The following INPP5D variants were observed in gnomAD, a reference collection of about 807,000 sequenced individuals.
INPP5D encodes the protein phosphatidylinositol 3,4,5-trisphosphate 5-phosphatase 1.
In INPP5D, 33 loss-of-function variants were observed where a neutral mutation model predicts 122.9. The observed-to-expected ratio is 0.27, with a 90% CI of 0.20 to 0.36. The LOEUF (loss-of-function observed/expected upper bound fraction) is 0.36. Ranked by LOEUF, INPP5D falls within the 10% of genes least tolerant of loss-of-function variation. The pLI is 1.00. For synonymous variants in INPP5D, 584 were observed against 576.2 expected (o/e 1.01, Z -0.19); for missense variants, 1,053 against 1,412.7 (o/e 0.75, Z 4.08).
At position 233,170,940 on chromosome 2, in the gene INPP5D, C is replaced by G; in HGVS notation, c.1901-124C>G. The G allele has an allele frequency of 1.8e-6, 2 of 1,141,322 alleles. No individual in the cohort carries two copies. The highest frequency in any genetic ancestry group is 2.5e-6 in the Non-Finnish European group (2 of 815,744). The allele number at this position is 1,141,322 out of a possible 1,614,324, so 70.7% of individuals were successfully genotyped here. On this transcript the variant is annotated intron_variant, in intron 16 of 26. Coordinates refer to ENST00000445964, the MANE Select transcript of INPP5D (RefSeq NM_001017915.3). This position sits in a 1 kb window ranked among gnomAD's most constrained non-coding sequence, Gnocchi z 4.5. The stretch of plus-strand genomic sequence containing the variant: ...AAAAAAAAAAGCAGCAGCCTCTCCT[C>G]TTGGAGCCTTTCCAGCCATCCTTTC...
chr2:233,093,222 G>A (rs1219864435), intron 2 of INPP5D, among the ~76,000 whole-genome samples: 4 of 152,184 alleles, frequency 2.6e-5, no homozygotes, highest in Non-Finnish European at 4.4e-5. Flanking sequence ...TCTTAGGGCA[G>A]TAGTGAGGGT....
chr2:233,197,959 T>A lies in INPP5D; in HGVS notation c.2694-136T>A. On this transcript the variant is annotated intron_variant, in intron 24 of 26. Coordinates refer to ENST00000445964, the MANE Select transcript of INPP5D (RefSeq NM_001017915.3). The surrounding 1 kb of genome is among the most constrained non-coding windows in gnomAD (Gnocchi z 4.4). The stretch of plus-strand genomic sequence containing the variant: ...ATGGATAGATGAATGAATGAATGGA[T>A]CACTGCCCAAGAGGTGAAGGAGTTG... 2 of 1,291,310 alleles carry A rather than the reference T, an allele frequency of 1.5e-6. No individual in the cohort carries two copies. The highest frequency in any genetic ancestry group is 5.2e-5 in the East Asian group (2 of 38,394). 80.0% of individuals were successfully genotyped at this position (1,291,310 alleles called of 1,614,324 possible). A position where few individuals can be genotyped will look rare whatever the true frequency, so the allele number is the denominator to read the frequency against.
At chr2:233,179,716 G>A (rs572287609) in intron 18 of INPP5D, among the ~76,000 whole-genome samples, 1 of 152,322 alleles carries the variant, frequency 6.6e-6, no homozygotes, top group East Asian at 1.9e-4. Context: ...AGAGGGCTCA[G>A]TAGAAGCGTT....
chr2:233,137,038 C>T (rs1430695547), intron 5 of INPP5D, among the ~76,000 whole-genome samples: 1 of 152,102 alleles, frequency 6.6e-6, no homozygotes, highest in Non-Finnish European at 1.5e-5. Flanking sequence ...ATAGATTATT[C>T]CTGAATGACA....
rs896362020 is a variant in INPP5D at position 233,188,566 on chromosome 2, T to A, written c.2359-1284T>A. 3.9e-5 allele frequency among the ~76,000 whole-genome samples: 6 copies of A among 152,174 alleles called. No homozygotes were observed. The highest frequency in any genetic ancestry group is 2.6e-4 in the Admixed American group (4 of 15,276). On this transcript the variant is annotated intron_variant, in intron 21 of 26. Coordinates refer to ENST00000445964, the MANE Select transcript of INPP5D (RefSeq NM_001017915.3). The surrounding 1 kb of genome is among the most constrained non-coding windows in gnomAD (Gnocchi z 4.7). ...CACTGCAGTTTCCAGTCATCTGTTCTGGAACTTTTTTTTGAGACTGAGTCT... is the reference window on the plus strand; with the variant it reads ...CACTGCAGTTTCCAGTCATCTGTTCAGGAACTTTTTTTTGAGACTGAGTCT...
chr2:233,144,697 G>T (rs1180240138), intron 6 of INPP5D, among the ~76,000 whole-genome samples: 6 of 118,228 alleles, frequency 5.1e-5, no homozygotes, highest in South Asian at 2.5e-4. Flanking sequence ...GGTGGAGGTG[G>T]TAGTAGTGAT....
At chr2:233,071,119 C>CAA (rs11432238) in intron 1 of INPP5D, among the ~76,000 whole-genome samples, 3 of 150,968 alleles carry the variant, frequency 2.0e-5, no homozygotes, top group Admixed American at 6.6e-5. Context: ...ACTAAAGATA[C>CAA]AAAAAAAATA....
intron 21 of INPP5D, 111 bp downstream of exon 21, chr2:233,186,036 A>C: frequency 7.6e-4 from 998 of 1,313,330 alleles, no homozygotes; most frequent in Non-Finnish European, 9.0e-4. Flanking sequence ...CAGGAATCTC[A>C]TAGACCAAAT....
At chr2:233,084,209 A>G (rs752973653) in intron 2 of INPP5D, among the ~76,000 whole-genome samples, 1 of 152,212 alleles carries the variant, frequency 6.6e-6, no homozygotes, top group African/African-American at 2.4e-5. Flanking sequence ...GTGCACCACT[A>G]TGCCCAGCTA....
In INPP5D at chr2:233,122,265, G is replaced by A. The variant is rs1211874732; in HGVS notation, c.349+8G>A. On this transcript the variant is annotated splice_region_variant and intron_variant, in intron 3 of 26. Coordinates refer to ENST00000445964, the MANE Select transcript of INPP5D (RefSeq NM_001017915.3). Reference sequence around the variant, plus strand: ...ACCCTGAGGAGGACACAGGTAGGGAGGGAGGGACAGGACGGCAGGAGGTAC... The same window carrying A: ...ACCCTGAGGAGGACACAGGTAGGGAAGGAGGGACAGGACGGCAGGAGGTAC... 2.5e-6 allele frequency: 4 copies of A among 1,612,824 alleles called. No homozygotes were observed. Among genetic ancestry groups the A allele is most frequent in the Non-Finnish European group, 3.4e-6 (4 of 1,179,406 alleles).
rs1015016529 is a variant in INPP5D, at chr2:233,105,214, G to A, written c.199-16893G>A. Among the ~76,000 whole-genome samples, 6 of 152,118 alleles carry A rather than the reference G, an allele frequency of 3.9e-5. No homozygotes were observed. Among genetic ancestry groups the A allele is most frequent in the East Asian group, 1.9e-4 (1 of 5,174 alleles). On this transcript the variant is annotated intron_variant, in intron 2 of 26. Transcript: ENST00000445964. This position sits in a 1 kb window ranked among gnomAD's most constrained non-coding sequence, Gnocchi z 4.0. The stretch of plus-strand genomic sequence containing the variant: ...GAAGTGGGGATGGGAGCAGGGGGGC[G>A]GTCAGTGGGTCCCAGGGAACTGGGT...
chr2:233,167,961 C>T (rs1453577857), intron 13 of INPP5D, among the ~76,000 whole-genome samples: 8 of 132,430 alleles, frequency 6.0e-5, no homozygotes, highest in Non-Finnish European at 9.3e-5. Flanking sequence ...GCAGAGATCG[C>T]GCCACTGCAC....
intron 25 of INPP5D, among the ~76,000 whole-genome samples, chr2:233,200,823 G>C (rs1559349217): frequency 6.6e-6 from 1 of 152,018 alleles, no homozygotes; most frequent in Non-Finnish European, 1.5e-5. Flanking sequence ...GCCAGGCGTA[G>C]TGGCCCACAC....
At position 233,139,133 on chromosome 2, in the gene INPP5D, T is replaced by C. The variant is rs1019519790; in HGVS notation, c.666-709T>C. Among the ~76,000 whole-genome samples the C allele has an allele frequency of 8.9e-4, 135 of 152,290 alleles. 3 individuals carry two copies. Among genetic ancestry groups the C allele is most frequent in the African/African-American group, 3.0e-3 (123 of 41,546 alleles). On this transcript the variant is annotated intron_variant, in intron 5 of 26. Transcript: ENST00000445964. ...AATCGATTTCAGCACATTTACTCAA[T>C]AGACTATTTTCAAATCATTAGAATG...
chr2:233,120,403 G>A (rs1476973697), intron 2 of INPP5D, among the ~76,000 whole-genome samples: 1 of 152,202 alleles, frequency 6.6e-6, no homozygotes, highest in Non-Finnish European at 1.5e-5. Flanking sequence ...AAAATTGCTT[G>A]AACCCAGGAG....
chr2:233,110,797 T>A (rs937298462), intron 2 of INPP5D, among the ~76,000 whole-genome samples: 2 of 152,102 alleles, frequency 1.3e-5, no homozygotes, highest in Admixed American at 1.3e-4. Flanking sequence ...TGGTGGCACA[T>A]GCCTGTAGTC....
rs1694674633 is a variant in INPP5D, at chr2:233,177,712, T to C, written c.2071+366T>C. 6.6e-6 allele frequency among the ~76,000 whole-genome samples: 1 copy of C among 152,110 alleles called. No homozygotes were observed. Among genetic ancestry groups the C allele is most frequent in the Non-Finnish European group, 1.5e-5 (1 of 68,016 alleles). On this transcript the variant is annotated intron_variant, in intron 18 of 26. Coordinates refer to ENST00000445964, the MANE Select transcript of INPP5D (RefSeq NM_001017915.3). This position sits in a 1 kb window ranked among gnomAD's most constrained non-coding sequence, Gnocchi z 4.2. ...CCACAGCCTCCCCAAGCAGCTGGGATTACAGGCTCCTGCCACCATGCCTGG... is the reference window on the plus strand; with the variant it reads ...CCACAGCCTCCCCAAGCAGCTGGGACTACAGGCTCCTGCCACCATGCCTGG...
At chr2:233,065,963 T>C (rs1187255500) in intron 1 of INPP5D, among the ~76,000 whole-genome samples, 4 of 145,134 alleles carry the variant, frequency 2.8e-5, no homozygotes, top group African/African-American at 1.1e-4. Context: ...AAATTATTAT[T>C]ATTTTATTTT....
At chr2:233,133,959 T>C in intron 5 of INPP5D, 1 of 456,284 alleles carries the variant, frequency 2.2e-6, no homozygotes, top group Non-Finnish European at 4.4e-6. Flanking sequence ...ATTAGGTAAA[T>C]GACCCAATGG....
Sources: gnomAD v4.1 joint callset for allele counts (sites outside exome capture counted in the v4.1 genomes callset) on GRCh38, gnomAD v4.1.1 for gene constraint, Gnocchi (gnomAD v3.1) non-coding constraint, MANE v1.5 for transcripts, NCBI Gene and HGNC (gene_info 2026-07-23, HGNC 2026-07-21) for gene names.